Variants in PGM3 observed in about 807,000 individuals in gnomAD.
PGM3 encodes the protein phosphoacetylglucosamine mutase.
A neutral mutation model predicts 66.2 loss-of-function variants in PGM3; 40 were observed. The observed-to-expected ratio is 0.60, with a 90% CI of 0.47 to 0.79. PGM3 has a LOEUF of 0.79. PGM3 is among the 30% of genes least tolerant of loss of function. The probability of loss-of-function intolerance (pLI) is 0.00; values close to 1 mark genes in which losing one functional copy is unlikely to be tolerated. For synonymous variants in PGM3, 191 were observed against 224.2 expected (o/e 0.85, Z 1.32); for missense variants, 537 against 643.4 (o/e 0.83, Z 1.79).
chr6:83,176,183 G>A (rs1364805533), intron 8 of PGM3, 123 bp from the exon 9 acceptor site: 3 of 620,358 alleles, frequency 4.8e-6, no homozygotes, highest in Admixed American at 2.5e-5. Context: ...TGAGGAAGAC[G>A]ATTAAGCATT....
the PGM3 span, chr6:83,151,837 T>C: frequency 1.9e-6 from 3 of 1,560,244 alleles, no homozygotes; most frequent in African/African-American, 1.4e-5. Context: ...TCATAACTAG[T>C]GTGCATGTGT....
downstream of PGM3, chr6:83,163,030 T>C: frequency 7.8e-7 from 1 of 1,288,028 alleles, no homozygotes; most frequent in Non-Finnish European, 1.1e-6. Flanking sequence ...TTGAGCTATT[T>C]TGAAAACAAG....
In PGM3 at chr6:83,174,445, C is replaced by CTGAT; in HGVS notation, c.1167_1170dup (p.Ala391IlefsTer8). ...CTTTTCTTATCTTCCAGTTGTTCTG[C>CTGAT]TGATTGTTTTATCTTCATTTCAACA... On this transcript the variant is annotated frameshift_variant, in exon 10 of 13. Coordinates refer to ENST00000513973, the MANE Select transcript of PGM3 (RefSeq NM_015599.3). LOFTEE classifies it high-confidence loss of function. 2 of 1,606,184 alleles carry CTGAT rather than the reference C, an allele frequency of 1.2e-6. No homozygotes were observed. The highest frequency in any genetic ancestry group is 1.7e-6 in the Non-Finnish European group (2 of 1,175,498).
At chr6:83,171,168 C>T (rs990968927) in intron 11 of PGM3, 14 of 151,728 alleles carry the variant, frequency 9.2e-5, no homozygotes, top group African/African-American at 3.2e-4. Flanking sequence ...AGTGAGATCT[C>T]GTCTCTAAAT....
intron 2 of PGM3, 188 bp downstream of exon 2, chr6:83,190,621 C>A (rs1333843068): frequency 1.3e-5 from 8 of 593,154 alleles, no homozygotes; most frequent in Non-Finnish European, 2.4e-5. Flanking sequence ...ATTCTTTCCA[C>A]ACCCTTAGGA....
chr6:83,192,518 G>A (rs549261060), intron 1 of PGM3, among the ~76,000 whole-genome samples: 2 of 152,234 alleles, frequency 1.3e-5, no homozygotes, highest in Admixed American at 6.5e-5. Flanking sequence ...GCAAGAAATG[G>A]TGAAAAATAC....
Position 83,165,855 on chromosome 6 carries a change from G to T in PGM3, c.*3379C>A. ...GGCTGCAGGCATTGCAGTTTTTGGT[G>T]CATCTCATTGATTTGCTGAGCATAC... is the stretch of plus-strand genomic sequence containing the variant. On this transcript the variant is annotated 3_prime_UTR_variant, in exon 13 of 13. Coordinates refer to ENST00000513973, the MANE Select transcript of PGM3 (RefSeq NM_015599.3). 1 of 342,300 alleles carries T rather than the reference G, an allele frequency of 2.9e-6. No homozygotes were observed. The highest frequency in any genetic ancestry group is 5.8e-6 in the Non-Finnish European group (1 of 172,408). 21.2% of individuals were successfully genotyped at this position (342,300 alleles called of 1,614,324 possible).
chr6:83,178,677 A>G lies in PGM3; in HGVS notation c.1025T>C (p.Met342Thr). Residue 342 changes from methionine to threonine, a missense_variant, in exon 8 of 13, where the codon ATG becomes ACG. Transcript: ENST00000513973. ...GSSTRYLEEV[M>T]KVPVYCTKTG... is the part of the protein sequence containing the mutation. Reference sequence around the variant, plus strand: ...AAAACAAAAATGGTTCAATACCTTCATAACTTCTTCAAGATACCGTGTTGA... The same window carrying G: ...AAAACAAAAATGGTTCAATACCTTCGTAACTTCTTCAAGATACCGTGTTGA... 1 of 1,580,416 alleles carries G rather than the reference A, an allele frequency of 6.3e-7. No individual in the cohort carries two copies. Among genetic ancestry groups the G allele is most frequent in the Non-Finnish European group, 8.7e-7 (1 of 1,149,528 alleles).
Position 83,171,993 on chromosome 6 carries a change from C to G in PGM3, c.1309G>C (p.Val437Leu). Reference protein sequence around the residue: ...EAILALKGLTVQQWDALYTDL... With the variant: ...EAILALKGLTLQQWDALYTDL... ...GTATAGAGAGCATCCCACTGTTGTA[C>G]AGTCAAGCCCTTCAGAGCCAAGATT... Residue 437 changes from valine to leucine, a missense_variant, in exon 11 of 13, where the codon GTA becomes CTA. Val to Leu is a conservative substitution (Grantham distance 32). Transcript: ENST00000513973. 5.6e-6 allele frequency: 9 copies of G among 1,613,006 alleles called. No homozygotes were observed. The highest frequency in any genetic ancestry group is 1.1e-5 in the South Asian group (1 of 91,050).
At chr6:83,151,741 GA>G in the PGM3 span, 3 of 1,470,634 alleles carry the variant, frequency 2.0e-6, no homozygotes, top group Non-Finnish European at 1.9e-6. Flanking sequence ...AAAATAAACT[GA>G]AGTTTCTTTC....
chr6:83,160,288 T>C (rs1322083243), downstream of PGM3, among the ~76,000 whole-genome samples: 1 of 152,194 alleles, frequency 6.6e-6, no homozygotes, highest in Non-Finnish European at 1.5e-5. Flanking sequence ...CAGAGATCCC[T>C]ACTAGCTCTG....
chr6:83,169,086 T>G lies in PGM3; in HGVS notation c.*148A>C. 1 of 1,441,888 alleles carries G rather than the reference T, an allele frequency of 6.9e-7. No homozygotes were observed. The highest frequency in any genetic ancestry group is 9.1e-7 in the Non-Finnish European group (1 of 1,102,288). 89.3% of individuals were successfully genotyped at this position (1,441,888 alleles called of 1,614,324 possible). Reference sequence around the variant, plus strand: ...ACCTATTTATAAAGAATTATTCTGTTAGTGTTTAAGAAAAACAGATCTAGA... The same window carrying G: ...ACCTATTTATAAAGAATTATTCTGTGAGTGTTTAAGAAAAACAGATCTAGA... On this transcript the variant is annotated 3_prime_UTR_variant, in exon 13 of 13. Coordinates refer to ENST00000513973, the MANE Select transcript of PGM3 (RefSeq NM_015599.3).
At chr6:83,154,085 C>G in the PGM3 span, 1 of 1,612,844 alleles carries the variant, frequency 6.2e-7, no homozygotes, top group South Asian at 1.1e-5. Flanking sequence ...ATGCACCTCA[C>G]AGTCTGATGA....
chr6:83,154,042 C>T, the PGM3 span: 1 of 1,613,828 alleles, frequency 6.2e-7, no homozygotes, highest in Non-Finnish European at 8.5e-7. Flanking sequence ...TTGTGTTAAT[C>T]AGTAAGTTGC....
Position 83,165,712 on chromosome 6 carries a change from A to G in PGM3, c.*3522T>C. On this transcript the variant is annotated 3_prime_UTR_variant, in exon 13 of 13. Coordinates refer to ENST00000513973, the MANE Select transcript of PGM3 (RefSeq NM_015599.3). ...TTTGTTGGCAAGAGGTCAGGTGAATATGGCAGATGAGGCAAAACTTCATAG... is the reference window on the plus strand; with the variant it reads ...TTTGTTGGCAAGAGGTCAGGTGAATGTGGCAGATGAGGCAAAACTTCATAG... The G allele has an allele frequency of 4.4e-6, 1 of 226,276 alleles. No homozygotes were observed. Among genetic ancestry groups the G allele is most frequent in the Non-Finnish European group, 9.4e-6 (1 of 106,552 alleles). 14.0% of individuals were successfully genotyped at this position (226,276 alleles called of 1,614,324 possible).
rs1786037824 is a variant in PGM3, at chr6:83,167,469, T to G, written c.*1765A>C. ...ATATTATGAAATGTATAAAGCACTTTGTTCCTTTTTTCTGTAGTAATTTTG... is the reference window on the plus strand; with the variant it reads ...ATATTATGAAATGTATAAAGCACTTGGTTCCTTTTTTCTGTAGTAATTTTG... On this transcript the variant is annotated 3_prime_UTR_variant, in exon 13 of 13. Coordinates refer to ENST00000513973, the MANE Select transcript of PGM3 (RefSeq NM_015599.3). 1 of 991,454 alleles carries G rather than the reference T, an allele frequency of 1.0e-6. No homozygotes were observed. The highest frequency in any genetic ancestry group is 1.2e-6 in the Non-Finnish European group (1 of 833,518). The allele number at this position is 991,454 out of a possible 1,614,324, so 61.4% of individuals were successfully genotyped here.
At chr6:83,153,624 C>A in the PGM3 span, 2 of 1,563,674 alleles carry the variant, frequency 1.3e-6, no homozygotes, top group Non-Finnish European at 1.7e-6. Flanking sequence ...ATCACAGGTA[C>A]TATCATTATT....
chr6:83,166,355 C>CTCTA lies in PGM3; in HGVS notation c.*2875_*2878dup, dbSNP rs1192358293. On this transcript the variant is annotated 3_prime_UTR_variant, in exon 13 of 13. Transcript: ENST00000513973. Reference sequence around the variant, plus strand: ...GCCACTGCACTCCTCATCTTCAAGGCTCTAGTCTCCTTTGCAAAACTTCTT... The same window carrying CTCTA: ...GCCACTGCACTCCTCATCTTCAAGGCTCTATCTAGTCTCCTTTGCAAAACTTCTT... 12 of 697,082 alleles carry CTCTA rather than the reference C, an allele frequency of 1.7e-5. No homozygotes were observed. In the East Asian group the frequency reaches 3.2e-4, roughly 19 times the overall value. 43.2% of individuals were successfully genotyped at this position (697,082 alleles called of 1,614,324 possible).
chr6:83,179,728 C>T, intron 7 of PGM3, 82 bp downstream of exon 7: 3 of 1,061,338 alleles, frequency 2.8e-6, no homozygotes, highest in East Asian at 2.5e-5. Context: ...TAAATTGTGC[C>T]CTTCTGACAA....
Sources: allele counts gnomAD v4.1 joint callset (sites outside exome capture counted in the v4.1 genomes callset), GRCh38; gene constraint gnomAD v4.1.1; transcripts MANE v1.5; gene names NCBI Gene and HGNC (gene_info 2026-07-23, HGNC 2026-07-21).